PLCH1: variants seen among roughly 807,000 people sequenced by gnomAD.
PLCH1 encodes 1-phosphatidylinositol 4,5-bisphosphate phosphodiesterase eta-1.
Under a neutral mutation model 126.7 loss-of-function variants are expected in PLCH1, and 60 were observed. That is an observed-to-expected ratio of 0.47 (90% CI 0.38 to 0.59). The LOEUF (loss-of-function observed/expected upper bound fraction) is 0.59, where lower values mean the gene tolerates loss of function less well. Among genes scored for constraint, PLCH1 ranks in the 20% least tolerant of loss-of-function variants. PLCH1 has a pLI of 0.00. For missense variants in PLCH1, 1,723 were observed against 2,040.0 expected, an observed-to-expected ratio of 0.84 and a Z score of 2.99; for synonymous variants, 719 against 734.9, an observed-to-expected ratio of 0.98 and a Z score of 0.35.
intron 11 of PLCH1, among the ~76,000 whole-genome samples, chr3:155,516,332 T>C (rs1262034560): frequency 6.6e-6 from 1 of 151,634 alleles, no homozygotes; most frequent in Non-Finnish European, 1.5e-5. Flanking sequence ...ACAAAAGAGG[T>C]GGGAAGTGAT....
rs908337868 is a variant in PLCH1, at chr3:155,670,783, C to G, written c.79+33363G>C. ...ATGTTCTCACCTTGCTCTTTAGATC[C>G]AGCACAAACTCCTCAGGGAGATATT... On this transcript the variant is annotated intron_variant, in intron 2 of 22. Coordinates refer to ENST00000460012, the MANE Select transcript of PLCH1 (RefSeq NM_014996.4). Among the ~76,000 whole-genome samples, 17 of 152,242 alleles carry G rather than the reference C, an allele frequency of 1.1e-4. 1 individual carries two copies. The highest frequency in any genetic ancestry group is 4.1e-4 in the African/African-American group (17 of 41,540).
At chr3:155,740,406 C>CAAAA (rs60626575) in intron 1 of PLCH1, among the ~76,000 whole-genome samples, 3 of 102,184 alleles carry the variant, frequency 2.9e-5, no homozygotes, top group Non-Finnish European at 6.5e-5. Flanking sequence ...GACTCTGTCT[C>CAAAA]AAAAAAAAAA....
At chr3:155,702,214 T>C (rs930185171) in intron 2 of PLCH1, among the ~76,000 whole-genome samples, 6 of 152,210 alleles carry the variant, frequency 3.9e-5, no homozygotes, top group Admixed American at 1.3e-4. Context: ...GAGACCAGCA[T>C]GCTCATTTCA....
intron 1 of PLCH1, among the ~76,000 whole-genome samples, chr3:155,738,371 G>A (rs1749355249): frequency 6.6e-6 from 1 of 152,246 alleles, no homozygotes; most frequent in African/African-American, 2.4e-5. Flanking sequence ...GCCGGGAGTA[G>A]TGGCTCGTGC....
At chr3:155,554,290 G>T in intron 8 of PLCH1, 94 bp from the exon 9 acceptor site, 1 of 1,186,560 alleles carries the variant, frequency 8.4e-7, no homozygotes, top group Non-Finnish European at 1.2e-6. Context: ...TCCATTATCT[G>T]AAATTATACC....
chr3:155,477,761 G>T (rs1356088061), downstream of PLCH1, among the ~76,000 whole-genome samples: 1 of 152,124 alleles, frequency 6.6e-6, no homozygotes, highest in Non-Finnish European at 1.5e-5. Context: ...TGCTGATGAG[G>T]ATGTGGAGAA....
At chr3:155,633,613 T>C (rs1738342306) in intron 2 of PLCH1, among the ~76,000 whole-genome samples, 1 of 152,116 alleles carries the variant, frequency 6.6e-6, no homozygotes, top group Non-Finnish European at 1.5e-5. Flanking sequence ...AATCAAAAGA[T>C]AAATTATAGC....
intron 2 of PLCH1, among the ~76,000 whole-genome samples, chr3:155,688,783 G>T (rs749052826): frequency 1.3e-5 from 2 of 152,188 alleles, no homozygotes; most frequent in Non-Finnish European, 2.9e-5. Context: ...CAGTGGTAGC[G>T]GGTGGCCACA....
At chr3:155,620,671 G>A (rs922197531) in intron 2 of PLCH1, among the ~76,000 whole-genome samples, 5 of 152,136 alleles carry the variant, frequency 3.3e-5, no homozygotes, top group South Asian at 4.1e-4. Context: ...ATGACCCACC[G>A]CAGCTCAGCA....
chr3:155,726,724 T>C (rs1330993664), intron 1 of PLCH1, among the ~76,000 whole-genome samples: 2 of 150,968 alleles, frequency 1.3e-5, no homozygotes, highest in African/African-American at 2.4e-5. Flanking sequence ...AGACGGGGTC[T>C]TCACCCTGTT....
chr3:155,539,323 C>G (rs1466834136), intron 10 of PLCH1, among the ~76,000 whole-genome samples: 1 of 152,160 alleles, frequency 6.6e-6, no homozygotes, highest in Admixed American at 6.5e-5. Flanking sequence ...AAGCTGAAAG[C>G]ATTCCCCCTG....
At chr3:155,463,560 CA>C (rs1400063660) in intron 21 of PLCH1, among the ~76,000 whole-genome samples, 9 of 152,268 alleles carry the variant, frequency 5.9e-5, no homozygotes, top group African/African-American at 1.9e-4. Flanking sequence ...GGGCAAATCA[CA>C]AGTTCAATGA....
chr3:155,722,824 T>C (rs925722251), intron 1 of PLCH1, among the ~76,000 whole-genome samples: 7 of 152,188 alleles, frequency 4.6e-5, no homozygotes, highest in African/African-American at 1.4e-4. Context: ...ATTAGGGTGA[T>C]AATGGCTTCA....
intron 21 of PLCH1, among the ~76,000 whole-genome samples, chr3:155,470,357 G>C (rs569891364): frequency 4.5e-4 from 68 of 152,212 alleles, no homozygotes; most frequent in African/African-American, 1.6e-3. Context: ...GAAATGAAGC[G>C]AGAAGGGAAG....
intron 1 of PLCH1, among the ~76,000 whole-genome samples, chr3:155,736,968 G>A (rs975528494): frequency 2.0e-5 from 3 of 151,964 alleles, no homozygotes; most frequent in African/African-American, 7.3e-5. Context: ...AGTGGCTCAT[G>A]CCTGTAACCT....
chr3:155,744,532 G>C (rs925069218), intron 1 of PLCH1, among the ~76,000 whole-genome samples: 1 of 152,134 alleles, frequency 6.6e-6, no homozygotes, highest in Non-Finnish European at 1.5e-5. Flanking sequence ...ACCTTCCACC[G>C]GGCGAAACGC....
intron 18 of PLCH1, among the ~76,000 whole-genome samples, chr3:155,491,545 G>A (rs1716202621): frequency 6.6e-6 from 1 of 152,120 alleles, no homozygotes; most frequent in African/African-American, 2.4e-5. Context: ...TTATAAATGT[G>A]AGCCACCGTG....
chr3:155,556,433 C>T (rs1220682781), intron 8 of PLCH1, among the ~76,000 whole-genome samples: 1 of 152,128 alleles, frequency 6.6e-6, no homozygotes. Flanking sequence ...TAGCACCTTC[C>T]CCTATATGTG....
intron 18 of PLCH1, among the ~76,000 whole-genome samples, chr3:155,491,634 A>G (rs1716219461): frequency 1.3e-5 from 2 of 152,236 alleles, no homozygotes; most frequent in South Asian, 4.1e-4. Flanking sequence ...CATAACGTTG[A>G]GCAAGCCAGA....
Sources: gnomAD v4.1 joint callset for allele counts (sites outside exome capture counted in the v4.1 genomes callset) on GRCh38, gnomAD v4.1.1 for gene constraint, MANE v1.5 for transcripts, NCBI Gene and HGNC (gene_info 2026-07-23, HGNC 2026-07-21) for gene names.